ZNF100: variants seen among roughly 807,000 people sequenced by gnomAD.
ZNF100 encodes the protein zinc finger protein 100 (Y1).
In ZNF100, 12 loss-of-function variants were observed where a neutral mutation model predicts 15.8. The ratio of observed to expected loss-of-function variants is 0.76; its 90% CI spans 0.49 to 1.23. ZNF100 has a LOEUF of 1.23. ZNF100 is among the 50% of genes most tolerant of loss of function. The pLI is 0.00. For synonymous variants in ZNF100, 226 were observed against 214.8 expected, an observed-to-expected ratio of 1.05 and a Z score of -0.45; for missense variants, 670 against 635.6, an observed-to-expected ratio of 1.05 and a Z score of -0.58.
intron 4 of ZNF100, among the ~76,000 whole-genome samples, chr19:21,741,528 CA>C (rs1168593294): frequency 6.6e-5 from 10 of 152,198 alleles, no homozygotes; most frequent in African/African-American, 2.4e-4. Flanking sequence ...GCACCTGTCA[CA>C]AGGCCCCGCT....
At chr19:21,764,146 A>C (rs1017255016) in intron 2 of ZNF100, among the ~76,000 whole-genome samples, 6 of 152,108 alleles carry the variant, frequency 3.9e-5, no homozygotes, top group Non-Finnish European at 8.8e-5. Context: ...CCCCAGAAAA[A>C]ACTAACAAGG....
rs996406776 is a variant in ZNF100, at chr19:21,724,276, GCTT to G, written c.*2404_*2406del. On this transcript the variant is annotated 3_prime_UTR_variant, in exon 5 of 5. Coordinates refer to ENST00000358296, the MANE Select transcript of ZNF100 (RefSeq NM_173531.4). Reference sequence around the variant, plus strand: ...AAAATGATTTGTTTTGTTCAGTATTGCTTTTTTCTTCGGAAAACAGGTACAAAT... The same window carrying G: ...AAAATGATTTGTTTTGTTCAGTATTGTTTTCTTCGGAAAACAGGTACAAAT... 1.3e-5 allele frequency: 2 copies of G among 151,972 alleles called. No individual in the cohort carries two copies. Among genetic ancestry groups the G allele is most frequent in the Non-Finnish European group, 2.9e-5 (2 of 67,952 alleles). 9.4% of individuals were successfully genotyped at this position (151,972 alleles called of 1,614,324 possible).
At chr19:21,754,799 G>C (rs1369621495) in intron 2 of ZNF100, among the ~76,000 whole-genome samples, 1 of 152,050 alleles carries the variant, frequency 6.6e-6, no homozygotes, top group Admixed American at 6.6e-5. Flanking sequence ...TGACAAATGG[G>C]ATCTAATTAA....
intron 2 of ZNF100, among the ~76,000 whole-genome samples, chr19:21,760,754 GTTTTT>G (rs59317162): frequency 4.9e-5 from 5 of 102,084 alleles, no homozygotes; most frequent in Admixed American, 1.2e-4. Context: ...GAACTTTCTT[GTTTTT>G]TTTTTTTTTT....
intron 4 of ZNF100, among the ~76,000 whole-genome samples, chr19:21,737,901 C>A (rs2036036373): frequency 6.6e-6 from 1 of 152,102 alleles, no homozygotes; most frequent in Non-Finnish European, 1.5e-5. Context: ...TGATATCCAA[C>A]CTGGCAGAGA....
intron 2 of ZNF100, chr19:21,750,901 C>A: frequency 1.7e-6 from 1 of 588,236 alleles, no homozygotes; most frequent in Admixed American, 3.1e-5. Flanking sequence ...TCAAGCTGGG[C>A]CGGTGCGTGG....
intron 4 of ZNF100, among the ~76,000 whole-genome samples, chr19:21,739,166 C>G (rs1451940581): frequency 6.6e-6 from 1 of 152,170 alleles, no homozygotes; most frequent in Non-Finnish European, 1.5e-5. Flanking sequence ...CACAGACAAA[C>G]TAGGCTTAAC....
chr19:21,765,592 G>T, intron 2 of ZNF100, 102 bp downstream of exon 2: 2 of 996,396 alleles, frequency 2.0e-6, no homozygotes, highest in Non-Finnish European at 1.5e-6. Context: ...TTATTTTTGT[G>T]TTTCCCCTCA....
chr19:21,726,910 G>A lies in ZNF100; in HGVS notation c.1402C>T (p.Arg468Trp), dbSNP rs748465493. 6.0e-5 allele frequency: 97 copies of A among 1,611,170 alleles called. 1 individual carries two copies. The highest frequency in any genetic ancestry group is 1.0e-4 in the Admixed American group (6 of 59,806). The change falls in exon 5 of 5, where the codon CGG becomes TGG. Residue 468 changes from arginine to tryptophan, a missense_variant. Physicochemically the swap from Arg to Trp is moderately radical, Grantham distance 101. Transcript: ENST00000358296. Reference protein sequence around the residue: ...KCDECGKAFNRSSQLTAHKMI... With the variant: ...KCDECGKAFNWSSQLTAHKMI... ...TTATGTGCAGTTAGTTGTGAGGACC[G>A]GTTAAAGGCTTTGCCACATTCGTCA...
At chr19:21,748,652 G>A (rs1013267907) in intron 2 of ZNF100, among the ~76,000 whole-genome samples, 19 of 152,270 alleles carry the variant, frequency 1.2e-4, no homozygotes, top group African/African-American at 4.6e-4. Context: ...TATCCCTTCA[G>A]GTGATAACCT....
intron 4 of ZNF100, among the ~76,000 whole-genome samples, chr19:21,743,798 T>C (rs1473857175): frequency 1.7e-5 from 2 of 114,926 alleles, no homozygotes; most frequent in Admixed American, 1.1e-4. Flanking sequence ...AAAAGGAAAG[T>C]AGAATCTTTA....
chr19:21,765,371 C>T (rs1040712788), intron 2 of ZNF100, among the ~76,000 whole-genome samples: 1 of 152,172 alleles, frequency 6.6e-6, no homozygotes, highest in Non-Finnish European at 1.5e-5. Context: ...AAGAACCACC[C>T]ACTCAGAAGA....
intron 2 of ZNF100, chr19:21,752,077 A>T (rs2036316548): frequency 4.5e-6 from 1 of 222,260 alleles, no homozygotes; most frequent in Non-Finnish European, 8.7e-6. Flanking sequence ...CATACTCCAT[A>T]GAAAAGAATG....
intron 2 of ZNF100, among the ~76,000 whole-genome samples, chr19:21,754,391 A>G (rs1000736652): frequency 7.2e-5 from 11 of 152,320 alleles, no homozygotes; most frequent in African/African-American, 2.6e-4. Flanking sequence ...TTAAAAACAT[A>G]TCATTATTTC....
intron 4 of ZNF100, 142 bp from the exon 5 acceptor site, chr19:21,728,131 T>TAAAA: frequency 3.1e-6 from 2 of 637,264 alleles, no homozygotes; most frequent in South Asian, 7.2e-5. Context: ...CATATAAATG[T>TAAAA]AAAAAAAAAA....
intron 4 of ZNF100, among the ~76,000 whole-genome samples, chr19:21,729,169 T>C (rs4633860): frequency 0.99 from 150,461 of 152,222 alleles, 74,386 homozygotes; most frequent in East Asian, 1. Context: ...GAATTGTCAA[T>C]AAAAATTTTG....
chr19:21,746,830 A>G (rs2036218963), intron 2 of ZNF100: 1 of 152,216 alleles, frequency 6.6e-6, no homozygotes. Flanking sequence ...CTGAAGAAAA[A>G]AAAACATCAT....
chr19:21,751,230 T>C, intron 2 of ZNF100: 2 of 1,270,540 alleles, frequency 1.6e-6, no homozygotes, highest in Admixed American at 1.7e-5. Flanking sequence ...TATTTCTAGG[T>C]GACAGAACAG....
chr19:21,740,859 T>G (rs2036095159), intron 4 of ZNF100, among the ~76,000 whole-genome samples: 1 of 151,930 alleles, frequency 6.6e-6, no homozygotes, highest in African/African-American at 2.4e-5. Context: ...AAATGTTACA[T>G]TTCTCAAATA....
Sources: allele counts gnomAD v4.1 joint callset (sites outside exome capture counted in the v4.1 genomes callset), GRCh38; gene constraint gnomAD v4.1.1; transcripts MANE v1.5; gene names NCBI Gene and HGNC (gene_info 2026-07-23, HGNC 2026-07-21).